The following CD99 variants were observed in gnomAD, a reference collection of about 807,000 sequenced individuals.
The protein encoded by CD99 is CD99 molecule (Xg blood group).
In CD99, 19 loss-of-function variants were observed where a neutral mutation model predicts 28.4. That is an observed-to-expected ratio of 0.67 (90% CI 0.47 to 0.98). The LOEUF (loss-of-function observed/expected upper bound fraction) is 0.98, where lower values mean the gene tolerates loss of function less well. CD99 is among the 50% of genes least tolerant of loss of function. The pLI, the probability that CD99 is intolerant of heterozygous loss-of-function variation, is 0.00. For missense variants in CD99, 283 were observed against 248.8 expected (o/e 1.14, Z -0.92); for synonymous variants, 103 against 92.1 (o/e 1.12, Z -0.67).
chrX:2,717,433 G>T, intron 2 of CD99, 172 bp from the exon 3 acceptor site: 1 of 615,660 alleles, frequency 1.6e-6, no homozygotes, highest in Non-Finnish European at 2.9e-6. Context: ...CTGTCTTCTG[G>T]GCTCAAGAGT....
chrX:2,733,333 A>T lies in CD99; in HGVS notation c.476-4867A>T, dbSNP rs780651510. ...TTTACTTTTTGTATTATTATTTTTT[A>T]TCGTTTTCAACCTTCCATTTCAGAT... On this transcript the variant is annotated intron_variant, in intron 8 of 9. Transcript: ENST00000381192. 5.7e-6 allele frequency: 9 copies of T among 1,567,510 alleles called. No individual in the cohort carries two copies. The South Asian group carries it at 1.1e-4, about 18-fold the overall frequency.
intron 8 of CD99, among the ~76,000 whole-genome samples, chrX:2,728,980 A>G (rs1286314540): frequency 6.6e-6 from 1 of 152,006 alleles, no homozygotes; most frequent in Non-Finnish European, 1.5e-5. Flanking sequence ...ACAGGTGTGC[A>G]TCACCACACC....
chrX:2,696,335 C>T (rs2047570980), intron 1 of CD99, among the ~76,000 whole-genome samples: 1 of 152,184 alleles, frequency 6.6e-6, no homozygotes, highest in African/African-American at 2.4e-5. Context: ...GTGGGCTCAT[C>T]GTTGCTGGTG....
intron 5 of CD99, 93 bp from the exon 6 acceptor site, chrX:2,722,534 G>A: frequency 9.2e-7 from 1 of 1,089,660 alleles, no homozygotes; most frequent in Non-Finnish European, 1.4e-6. Context: ...TTGATGAACA[G>A]GCCGGTTTTC....
intron 8 of CD99, chrX:2,727,322 A>G: frequency 1.3e-6 from 1 of 779,350 alleles, no homozygotes; most frequent in Non-Finnish European, 2.4e-6. Context: ...GGGACCTTGT[A>G]TTGGGATCCG....
intron 1 of CD99, among the ~76,000 whole-genome samples, chrX:2,695,217 T>A (rs2047516412): frequency 6.6e-6 from 1 of 152,074 alleles, no homozygotes; most frequent in South Asian, 2.1e-4. Flanking sequence ...AAAAGTCTTT[T>A]TTTTTTGAGA....
intron 8 of CD99, chrX:2,733,246 CTT>C: frequency 1.7e-6 from 2 of 1,193,108 alleles, no homozygotes; most frequent in Non-Finnish European, 2.4e-6. Flanking sequence ...CAGAGCAGCT[CTT>C]TCTAACACCT....
intron 1 of CD99, among the ~76,000 whole-genome samples, chrX:2,711,496 A>T (rs1251378053): frequency 1.3e-5 from 2 of 151,570 alleles, no homozygotes; most frequent in Non-Finnish European, 2.9e-5. Flanking sequence ...TGTCAAAGAG[A>T]CACTCCCCTC....
At chrX:2,710,741 A>G (rs1479134939) in intron 1 of CD99, among the ~76,000 whole-genome samples, 1 of 152,242 alleles carries the variant, frequency 6.6e-6, no homozygotes, top group East Asian at 1.9e-4. Context: ...GGCACTAACA[A>G]AGGTAAGCCT....
chrX:2,711,539 A>G lies in CD99; in HGVS notation c.68-2883A>G, dbSNP rs1427750014. 2.0e-5 allele frequency among the ~76,000 whole-genome samples: 3 copies of G among 152,010 alleles called. No homozygotes were observed. The East Asian group carries it at 5.8e-4, about 29-fold the overall frequency. ...TATTGCAGCACCATTCGGAGTAGCC[A>G]AGACATGCAGTCAATGGAAGAGCCC... On this transcript the variant is annotated intron_variant, in intron 1 of 9. Coordinates refer to ENST00000381192, the MANE Select transcript of CD99 (RefSeq NM_002414.5).
chrX:2,714,705 A>G, intron 2 of CD99: 1 of 377,686 alleles, frequency 2.6e-6, no homozygotes, highest in Non-Finnish European at 4.8e-6. Flanking sequence ...AAATGCAGAT[A>G]CAGAGACAGG....
At chrX:2,732,839 T>C (rs1231716772) in intron 8 of CD99, among the ~76,000 whole-genome samples, 2 of 135,162 alleles carry the variant, frequency 1.5e-5, no homozygotes, top group Non-Finnish European at 3.0e-5. Flanking sequence ...TCTCTCTTCA[T>C]CCATCTCTCC....
chrX:2,717,084 A>C (rs311076), intron 2 of CD99, among the ~76,000 whole-genome samples: 106,176 of 151,930 alleles, frequency 0.7, 37,659 homozygotes, highest in Non-Finnish European at 0.74. Context: ...CGGTGGCTCA[A>C]GCCTGTCATC....
intron 1 of CD99, 22 bp downstream of exon 1, chrX:2,691,449 G>A (rs1339005743): frequency 5.1e-6 from 8 of 1,577,412 alleles, no homozygotes; most frequent in Non-Finnish European, 6.8e-6. Context: ...GAGGGATCCG[G>A]GTTGGGGGAC....
rs1442762908 is a variant in CD99 at position 2,738,249 on chromosome X, G to C, written c.525G>C (p.Glu175Asp). The C allele has an allele frequency of 2.5e-6, 4 of 1,613,852 alleles. No homozygotes were observed. Among genetic ancestry groups the C allele is most frequent in the African/African-American group, 1.3e-5 (1 of 74,928 alleles). ...AGAGCCACCGGAATGCCAACGCAGA[G>C]CCAGCTGGTAAGAAGGACGGGGAAC... ...DMESHRNANAEPAVQRTLLEK is the reference protein window; with the variant it reads ...DMESHRNANADPAVQRTLLEK Residue 175 changes from glutamate to aspartate, a missense_variant, in exon 9 of 10, where the codon GAG becomes GAC. Transcript: ENST00000381192.
intron 1 of CD99, among the ~76,000 whole-genome samples, chrX:2,694,716 G>C (rs1018176403): frequency 6.6e-6 from 1 of 151,786 alleles, no homozygotes; most frequent in Non-Finnish European, 1.5e-5. Flanking sequence ...TCGTGTCACC[G>C]CATTATGGCC....
intron 9 of CD99, among the ~76,000 whole-genome samples, chrX:2,739,920 T>TAAAAA (rs760923352): frequency 3.1e-4 from 34 of 110,108 alleles, no homozygotes; most frequent in African/African-American, 1.1e-3. Context: ...TACTAAAAAT[T>TAAAAA]AAAAAAAAAA....
At chrX:2,696,646 G>T (rs1407472178) in intron 1 of CD99, among the ~76,000 whole-genome samples, 1 of 152,020 alleles carries the variant, frequency 6.6e-6, no homozygotes, top group Non-Finnish European at 1.5e-5. Flanking sequence ...CAGGTGATCC[G>T]CCCGCCTCGG....
At position 2,738,274 on chromosome X, in the gene CD99, C is replaced by A. The variant is rs139425780; in HGVS notation, c.532+18C>A. 6.2e-7 allele frequency: 1 copy of A among 1,612,978 alleles called. No homozygotes were observed. Among genetic ancestry groups the A allele is most frequent in the Non-Finnish European group, 8.5e-7 (1 of 1,179,234 alleles). On this transcript the variant is annotated intron_variant, in intron 9 of 9. Coordinates refer to ENST00000381192, the MANE Select transcript of CD99 (RefSeq NM_002414.5). ...GCCAGCTGGTAAGAAGGACGGGGAA[C>A]GATGGCTTGCACACGTGGCCAGTGT... is the stretch of plus-strand genomic sequence containing the variant.
Sources: gnomAD v4.1 joint callset for allele counts (sites outside exome capture counted in the v4.1 genomes callset) on GRCh38, gnomAD v4.1.1 for gene constraint, MANE v1.5 for transcripts, NCBI Gene and HGNC (gene_info 2026-07-23, HGNC 2026-07-21) for gene names.